Variants in CENPC observed in about 807,000 individuals in gnomAD.
The protein encoded by CENPC is centromere protein C, also known as CENP-C 1.
A neutral mutation model predicts 112.1 loss-of-function variants in CENPC; 63 were observed. The observed-to-expected ratio is 0.56, with a 90% CI of 0.46 to 0.69. The LOEUF is 0.69. Among genes scored for constraint, CENPC ranks in the 30% least tolerant of loss-of-function variants. CENPC has a pLI of 0.00. For missense variants in CENPC, 1,000 were observed against 1,103.8 expected, an observed-to-expected ratio of 0.91 and a Z score of 1.33; for synonymous variants, 333 against 367.6, an observed-to-expected ratio of 0.91 and a Z score of 1.08.
Position 67,493,986 on chromosome 4 carries a change from A to G in CENPC, c.2188T>C (p.Leu730=). The G allele has an allele frequency of 6.2e-7, 1 of 1,603,820 alleles. No homozygotes were observed. The highest frequency in any genetic ancestry group is 8.5e-7 in the Non-Finnish European group (1 of 1,174,208). ...CGAACATTTGGTGTGTTGGAGGGCAATACTATAAAAAGATGTCAGACAAAA... is the reference window on the plus strand; with the variant it reads ...CGAACATTTGGTGTGTTGGAGGGCAGTACTATAAAAAGATGTCAGACAAAA... ...PKNRIHHKLV[L]PSNTPNVRRT... is the part of the protein sequence containing the mutation. The change falls in exon 14 of 19, where the codon TTG becomes CTG. Residue 730 remains leucine, a splice_region_variant and synonymous_variant. Coordinates refer to ENST00000273853, the MANE Select transcript of CENPC (RefSeq NM_001812.4).
intron 17 of CENPC, among the ~76,000 whole-genome samples, chr4:67,483,488 T>A (rs1468522898): frequency 6.6e-6 from 1 of 152,114 alleles, no homozygotes; most frequent in African/African-American, 2.4e-5. Context: ...ACTATGCCAC[T>A]GGCTTATGTA....
At chr4:67,533,888 A>G (rs555702769) in intron 4 of CENPC, among the ~76,000 whole-genome samples, 15 of 152,176 alleles carry the variant, frequency 9.9e-5, no homozygotes, top group African/African-American at 3.4e-4. Flanking sequence ...AAAATAAAAA[A>G]TTAGCCAAGA....
intron 7 of CENPC, among the ~76,000 whole-genome samples, chr4:67,514,990 C>T (rs958493147): frequency 3.0e-4 from 35 of 117,740 alleles, no homozygotes; most frequent in African/African-American, 9.9e-4. Flanking sequence ...ATAATTATAA[C>T]TCAGATACAT....
rs2109804517 is a variant in CENPC, at chr4:67,514,251, TTC to T, written c.1265_1266del (p.Arg422LysfsTer6). 1.2e-6 allele frequency: 2 copies of T among 1,612,494 alleles called. No homozygotes were observed. The highest frequency in any genetic ancestry group is 1.7e-6 in the Non-Finnish European group (2 of 1,179,116). ...RSKRTIKQKQ[R>X]RKFMAKPAEE... is the part of the protein sequence containing the mutation. ...TCAGCTGGTTTAGCCATGAATTTTC[TTC>T]TCTGTTTTTGTTTTATAGTCCTTTT... On this transcript the variant is annotated frameshift_variant, in exon 8 of 19. Transcript: ENST00000273853. LOFTEE classifies it high-confidence loss of function.
intron 5 of CENPC, among the ~76,000 whole-genome samples, chr4:67,527,026 A>G (rs1726401100): frequency 6.6e-6 from 1 of 152,222 alleles, no homozygotes; most frequent in Non-Finnish European, 1.5e-5. Flanking sequence ...ACACACTTCT[A>G]AATAACCAAT....
In CENPC at chr4:67,491,513, A is replaced by AGG. The variant is rs1560423361; in HGVS notation, c.2515+666_2515+667insCC. 3.4e-4 allele frequency among the ~76,000 whole-genome samples: 48 copies of AGG among 141,186 alleles called. 1 individual carries two copies. The highest frequency in any genetic ancestry group is 1.1e-3 in the African/African-American group (40 of 37,728). 92.6% of individuals were successfully genotyped at this position (141,186 alleles called of 152,430 possible). On this transcript the variant is annotated intron_variant, in intron 16 of 18. Transcript: ENST00000273853. Reference sequence around the variant, plus strand: ...GAGAGAGAGAGAGAGAGAGAGAGAGAGAGAGAGAGAGAGAGCCTGGTTGTT... The same window carrying AGG: ...GAGAGAGAGAGAGAGAGAGAGAGAGAGGGAGAGAGAGAGAGAGCCTGGTTGTT...
At chr4:67,485,917 A>G (rs780845964) in intron 17 of CENPC, among the ~76,000 whole-genome samples, 1 of 152,156 alleles carries the variant, frequency 6.6e-6, no homozygotes, top group Non-Finnish European at 1.5e-5. Flanking sequence ...GTTTGAACTC[A>G]GGCATTTAGA....
rs1482204712 is a variant in CENPC at position 67,530,884 on chromosome 4, C to A, written c.262G>T (p.Val88Phe). 22 of 1,601,704 alleles carry A rather than the reference C, an allele frequency of 1.4e-5. No homozygotes were observed. Among genetic ancestry groups the A allele is most frequent in the Non-Finnish European group, 1.9e-5 (22 of 1,173,104 alleles). The change falls in exon 5 of 19, where the codon GTT (valine) becomes TTT (phenylalanine). Residue 88 changes from valine to phenylalanine, a missense_variant. Coordinates refer to ENST00000273853, the MANE Select transcript of CENPC (RefSeq NM_001812.4). ...CQKSHPKSVP[V>F]SSKKKEASLQ... is the part of the protein sequence containing the mutation. ...GAGGCTTCTTTCTTCTTTGAAGAAA[C>A]TGGAACTGACTTTGGATGTGATTTC...
At chr4:67,533,295 T>C (rs1047296265) in intron 4 of CENPC, among the ~76,000 whole-genome samples, 8 of 152,222 alleles carry the variant, frequency 5.3e-5, no homozygotes, top group African/African-American at 9.6e-5. Flanking sequence ...GCCACCACCA[T>C]GGAAGAAGTG....
intron 7 of CENPC, 128 bp from the exon 8 acceptor site, chr4:67,514,815 C>G: frequency 1.1e-6 from 1 of 929,912 alleles, no homozygotes; most frequent in African/African-American, 1.7e-5. Flanking sequence ...TCAATTTTCC[C>G]TTAATCTTAC....
rs146354874 is a variant in CENPC, at chr4:67,471,590, A to G, written c.*1015T>C. On this transcript the variant is annotated 3_prime_UTR_variant, in exon 19 of 19. Transcript: ENST00000273853. The stretch of plus-strand genomic sequence containing the variant: ...AAGAGAAATCACAATAGAAAATTAT[A>G]AAGTATAAAAAAAGAGCCATCACAC... 1.3e-5 allele frequency: 2 copies of G among 152,300 alleles called. No homozygotes were observed. The highest frequency in any genetic ancestry group is 2.9e-5 in the Non-Finnish European group (2 of 68,030). The allele number at this position is 152,300 out of a possible 1,614,324, so 9.4% of individuals were successfully genotyped here.
intron 4 of CENPC, among the ~76,000 whole-genome samples, chr4:67,539,029 A>T (rs1020091829): frequency 1.3e-5 from 2 of 152,210 alleles, no homozygotes; most frequent in African/African-American, 4.8e-5. Flanking sequence ...AAGCCCTGTA[A>T]GAACATTTTT....
chr4:67,517,150 T>C (rs1270293128), intron 7 of CENPC, among the ~76,000 whole-genome samples: 1 of 151,836 alleles, frequency 6.6e-6, no homozygotes, highest in Non-Finnish European at 1.5e-5. Context: ...TCATTTAACA[T>C]GTTTTTATAA....
intron 4 of CENPC, among the ~76,000 whole-genome samples, chr4:67,538,148 C>G (rs2109833681): frequency 6.6e-6 from 1 of 152,192 alleles, no homozygotes; most frequent in African/African-American, 2.4e-5. Context: ...TTTACAAGAC[C>G]AGTACAAACA....
At chr4:67,527,476 A>C (rs1419953868) in intron 5 of CENPC, among the ~76,000 whole-genome samples, 1 of 148,744 alleles carries the variant, frequency 6.7e-6, no homozygotes, top group Non-Finnish European at 1.5e-5. Context: ...GAACAACGCT[A>C]GAATTTTCAC....
chr4:67,542,290 A>G lies in CENPC; in HGVS notation c.66-1240T>C, dbSNP rs149306984. Among the ~76,000 whole-genome samples, 3 of 152,314 alleles carry G rather than the reference A, an allele frequency of 2.0e-5. No individual in the cohort carries two copies. The East Asian group carries it at 5.8e-4, about 29-fold the overall frequency. ...AACAAAGAGGCATGGCTGTGTTCCA[A>G]TAAAATTGAAATAAAACCTGTGACA... On this transcript the variant is annotated intron_variant, in intron 2 of 18. Coordinates refer to ENST00000273853, the MANE Select transcript of CENPC (RefSeq NM_001812.4).
intron 17 of CENPC, among the ~76,000 whole-genome samples, chr4:67,480,861 A>G (rs987326199): frequency 6.6e-6 from 1 of 152,216 alleles, no homozygotes; most frequent in East Asian, 1.9e-4. Flanking sequence ...GAAAAGTTGA[A>G]AAGTTTCTCC....
At chr4:67,479,585 A>G (rs1431245451) in intron 17 of CENPC, among the ~76,000 whole-genome samples, 1 of 152,264 alleles carries the variant, frequency 6.6e-6, no homozygotes, top group Non-Finnish European at 1.5e-5. Context: ...TGCTAACAGG[A>G]AAGTTAATAG....
At chr4:67,477,048 A>C (rs1177195990) in intron 17 of CENPC, among the ~76,000 whole-genome samples, 2 of 152,222 alleles carry the variant, frequency 1.3e-5, no homozygotes, top group Non-Finnish European at 2.9e-5. Flanking sequence ...AGACACACCT[A>C]ATCAATCCTA....
Sources: allele counts gnomAD v4.1 joint callset (sites outside exome capture counted in the v4.1 genomes callset), GRCh38; gene constraint gnomAD v4.1.1; transcripts MANE v1.5; gene names NCBI Gene and HGNC (gene_info 2026-07-23, HGNC 2026-07-21).